HDAC9: variants seen among roughly 807,000 people sequenced by gnomAD.
HDAC9 encodes MEF-2 interacting transcription repressor (MITR) protein.
In HDAC9, 41 loss-of-function variants were observed where a neutral mutation model predicts 139.4. That is an observed-to-expected ratio of 0.29 (90% CI 0.23 to 0.38). The LOEUF (loss-of-function observed/expected upper bound fraction) is 0.38, where lower values mean the gene tolerates loss of function less well. Ranked by LOEUF, HDAC9 falls within the 10% of genes least tolerant of loss-of-function variation. The pLI is 1.00. For synonymous variants in HDAC9, 517 were observed against 476.2 expected (o/e 1.09, Z -1.12); for missense variants, 1,147 against 1,297.0 (o/e 0.88, Z 1.78).
rs188900391 is a variant in HDAC9 at position 18,864,440 on chromosome 7, A to C, written c.2685-10038A>C. Among the ~76,000 whole-genome samples, 292 of 151,920 alleles carry C rather than the reference A, an allele frequency of 1.9e-3. 1 individual carries two copies. The highest frequency in any genetic ancestry group is 6.3e-3 in the African/African-American group (263 of 41,424). ...TATGTAGGATGATGAAGTTCTAGAG[A>C]TCTGACCAGGGGAAAATGGGGAGTT... On this transcript the variant is annotated intron_variant, in intron 21 of 25. Coordinates refer to ENST00000686413, the MANE Select transcript of HDAC9 (RefSeq NM_178425.4).
intron 2 of HDAC9, among the ~76,000 whole-genome samples, chr7:18,573,826 G>A (rs1825089256): frequency 6.6e-6 from 1 of 152,198 alleles, no homozygotes; most frequent in Non-Finnish European, 1.5e-5. Flanking sequence ...TGGAACCACT[G>A]AACCCCAAAG....
At chr7:18,139,713 ACT>A (rs1291990343) in intron 1 of HDAC9, among the ~76,000 whole-genome samples, 2 of 152,046 alleles carry the variant, frequency 1.3e-5, no homozygotes, top group African/African-American at 4.8e-5. Context: ...CAGGGAGATT[ACT>A]CTGATTATTC....
chr7:18,172,388 T>C (rs1036700591), intron 2 of HDAC9, among the ~76,000 whole-genome samples: 1 of 152,184 alleles, frequency 6.6e-6, no homozygotes, highest in African/African-American at 2.4e-5. Flanking sequence ...TGTTGATCTT[T>C]TCAAAAAACC....
intron 1 of HDAC9, among the ~76,000 whole-genome samples, chr7:18,329,382 A>G (rs1362999317): frequency 2.0e-5 from 3 of 151,966 alleles, no homozygotes; most frequent in South Asian, 2.1e-4. Flanking sequence ...GCATCTTTCT[A>G]CAATGTATAA....
intron 22 of HDAC9, among the ~76,000 whole-genome samples, chr7:18,881,279 A>G (rs1799717978): frequency 6.6e-6 from 1 of 152,150 alleles, no homozygotes; most frequent in Non-Finnish European, 1.5e-5. Flanking sequence ...ACAGAGGATA[A>G]GATAAATTAG....
chr7:18,820,643 G>C (rs1794894034), intron 17 of HDAC9, among the ~76,000 whole-genome samples: 1 of 152,098 alleles, frequency 6.6e-6, no homozygotes, highest in African/African-American at 2.4e-5. Flanking sequence ...GAGGAAAAAA[G>C]CTAGGGTAGT....
At chr7:18,841,310 T>A (rs1796567698) in intron 21 of HDAC9, among the ~76,000 whole-genome samples, 1 of 152,098 alleles carries the variant, frequency 6.6e-6, no homozygotes, top group African/African-American at 2.4e-5. Flanking sequence ...GGATTTTTTT[T>A]GTTCTTGTTC....
At chr7:18,437,380 G>A (rs897143455) in intron 1 of HDAC9, among the ~76,000 whole-genome samples, 2 of 152,014 alleles carry the variant, frequency 1.3e-5, no homozygotes, top group South Asian at 2.1e-4. Context: ...GTATCTCTGC[G>A]ACCATGGACA....
chr7:18,658,108 CA>C (rs1382712111), intron 11 of HDAC9, among the ~76,000 whole-genome samples: 3 of 152,070 alleles, frequency 2.0e-5, no homozygotes, highest in Non-Finnish European at 4.4e-5. Context: ...CTTTATTGCC[CA>C]TCCAAACAAG....
At chr7:18,809,562 T>C (rs966080656) in intron 17 of HDAC9, among the ~76,000 whole-genome samples, 2 of 151,912 alleles carry the variant, frequency 1.3e-5, no homozygotes, top group African/African-American at 4.8e-5. Context: ...AAAGAAGTTA[T>C]ACAGACATAT....
At position 18,830,267 on chromosome 7, in the gene HDAC9, G is replaced by T. The variant is rs1469512248; in HGVS notation, c.2466+719G>T. ...GACCAACCCAGGAAAGGGCGAAAGA[G>T]AAGTGAATGGTGATTTATGAGCCCC... On this transcript the variant is annotated intron_variant, in intron 19 of 25. Coordinates refer to ENST00000686413, the MANE Select transcript of HDAC9 (RefSeq NM_178425.4). Among the ~76,000 whole-genome samples, 3 of 152,192 alleles carry T rather than the reference G, an allele frequency of 2.0e-5. No individual in the cohort carries two copies. The East Asian group carries it at 5.8e-4, about 29-fold the overall frequency.
rs141084017 is a variant in HDAC9 at position 18,640,469 on chromosome 7, G to A, written c.913-4202G>A. On this transcript the variant is annotated intron_variant, in intron 8 of 25. Coordinates refer to ENST00000686413, the MANE Select transcript of HDAC9 (RefSeq NM_178425.4). ...CATTGACTTTTTTGTCTTCTTAAGAGTAAGAAAAGTATTTGTTTATCTTCT... is the reference window on the plus strand; with the variant it reads ...CATTGACTTTTTTGTCTTCTTAAGAATAAGAAAAGTATTTGTTTATCTTCT... Among the ~76,000 whole-genome samples the A allele has an allele frequency of 1.0e-3, 152 of 148,164 alleles. 1 individual carries two copies. The highest frequency in any genetic ancestry group is 3.7e-3 in the African/African-American group (150 of 40,398).
intron 2 of HDAC9, among the ~76,000 whole-genome samples, chr7:18,205,968 A>G (rs939361106): frequency 6.6e-6 from 1 of 152,166 alleles, no homozygotes; most frequent in Non-Finnish European, 1.5e-5. Context: ...GGATTTGGTA[A>G]GAAATACTGC....
chr7:18,320,551 G>A (rs1033146257), intron 1 of HDAC9, among the ~76,000 whole-genome samples: 2 of 152,216 alleles, frequency 1.3e-5, no homozygotes, highest in South Asian at 2.1e-4. Flanking sequence ...GGCAAACTTG[G>A]GATTTACTCT....
At chr7:18,767,934 C>T (rs1452194147) in intron 16 of HDAC9, among the ~76,000 whole-genome samples, 1 of 152,128 alleles carries the variant, frequency 6.6e-6, no homozygotes, top group Non-Finnish European at 1.5e-5. Flanking sequence ...CAAAACTAGT[C>T]ACATGTATAT....
chr7:18,377,475 G>A (rs1215062578), intron 1 of HDAC9, among the ~76,000 whole-genome samples: 1 of 152,170 alleles, frequency 6.6e-6, no homozygotes, highest in African/African-American at 2.4e-5. Flanking sequence ...GATTTAGGAA[G>A]ATTTCTTCTT....
intron 2 of HDAC9, among the ~76,000 whole-genome samples, chr7:18,558,958 G>A (rs531944396): frequency 6.6e-6 from 1 of 152,288 alleles, no homozygotes; most frequent in East Asian, 1.9e-4. Context: ...GTGACATTGG[G>A]AAGTGAGGGG....
At chr7:18,371,230 T>C (rs1057340838) in intron 1 of HDAC9, among the ~76,000 whole-genome samples, 1 of 151,994 alleles carries the variant, frequency 6.6e-6, no homozygotes, top group African/African-American at 2.4e-5. Context: ...AGGTGCACAC[T>C]TTTCCCCTTC....
upstream of HDAC9, among the ~76,000 whole-genome samples, chr7:18,491,809 C>T (rs779238190): frequency 1.3e-5 from 2 of 151,882 alleles, no homozygotes; most frequent in African/African-American, 2.4e-5. Context: ...TATGGGTCCC[C>T]GGCAGATCGG....
Sources: allele counts gnomAD v4.1 joint callset (sites outside exome capture counted in the v4.1 genomes callset), GRCh38; gene constraint gnomAD v4.1.1; transcripts MANE v1.5; gene names NCBI Gene and HGNC (gene_info 2026-07-23, HGNC 2026-07-21).